Variants in VPS39 observed in about 807,000 individuals in gnomAD.
VPS39 encodes VPS39 subunit of HOPS complex, also known as vam6/Vps39-like protein.
VPS39 carries 70 observed loss-of-function variants against 121.0 expected under a neutral mutation model. That is an observed-to-expected ratio of 0.58 (90% CI 0.48 to 0.71). VPS39 has a LOEUF of 0.71. Ranked by LOEUF, VPS39 falls within the 30% of genes least tolerant of loss-of-function variation. The pLI, the probability that VPS39 is intolerant of heterozygous loss-of-function variation, is 0.00. For synonymous variants in VPS39, 378 were observed against 398.1 expected, an observed-to-expected ratio of 0.95 and a Z score of 0.60; for missense variants, 818 against 1,051.5, an observed-to-expected ratio of 0.78 and a Z score of 3.07.
Position 42,191,557 on chromosome 15 carries a change from C to T in VPS39, c.143G>A (p.Cys48Tyr), listed in dbSNP as rs771845487. The change falls in exon 3 of 25, where the codon TGC (cysteine) becomes TAC (tyrosine). Residue 48 changes from cysteine (C) to tyrosine (Y), a missense_variant. Coordinates refer to ENST00000318006, the MANE Select transcript of VPS39 (RefSeq NM_015289.5). ...CTCTAGTGTCACTTCAAATCTGTTG[C>T]AACCTATGGAAAACAAATAAACACT... The part of the protein sequence containing the change: ...LLYRIRKDVG[C>Y]NRFEVTLEKS... 1.2e-6 allele frequency: 2 copies of T among 1,613,708 alleles called. No homozygotes were observed. The highest frequency in any genetic ancestry group is 2.2e-5 in the South Asian group (2 of 91,006).
chr15:42,205,316 G>A (rs1191167250), intron 1 of VPS39, among the ~76,000 whole-genome samples: 1 of 152,178 alleles, frequency 6.6e-6, no homozygotes, highest in Admixed American at 6.5e-5. Context: ...TAAGAAAACA[G>A]CACATTGGTG....
At chr15:42,197,327 A>T (rs1002787145) in intron 2 of VPS39, among the ~76,000 whole-genome samples, 3 of 151,982 alleles carry the variant, frequency 2.0e-5, no homozygotes, top group African/African-American at 4.8e-5. Context: ...AAGTATAATT[A>T]AAAAGAGTGG....
At position 42,166,214 on chromosome 15, in the gene VPS39, A is replaced by C. The variant is rs780492728; in HGVS notation, c.1625T>G (p.Leu542Trp). 32 of 1,614,216 alleles carry C rather than the reference A, an allele frequency of 2.0e-5. No individual in the cohort carries two copies. Among genetic ancestry groups the C allele is most frequent in the Non-Finnish European group, 2.4e-5 (28 of 1,180,044 alleles). The change falls in exon 16 of 25, where the codon TTG (leucine) becomes TGG (tryptophan). Residue 542 changes from leucine (L) to tryptophan (W), a missense_variant. By Grantham distance (61) the Leu-to-Trp change is moderately conservative. Coordinates refer to ENST00000318006, the MANE Select transcript of VPS39 (RefSeq NM_015289.5). ...LQHLGTENLH[L>W]IFSYSVWVLR... ...CACCCACACTGAGTAGGAGAAAATC[A>C]AATGCAGGTTTTCTGTGCCTAGAAG... is the stretch of plus-strand genomic sequence containing the variant.
intron 7 of VPS39, among the ~76,000 whole-genome samples, chr15:42,186,247 C>A (rs550155933): frequency 6.7e-6 from 1 of 148,964 alleles, no homozygotes; most frequent in Non-Finnish European, 1.5e-5. Flanking sequence ...GCCTATGCAA[C>A]ATATTGTGAC....
intron 7 of VPS39, among the ~76,000 whole-genome samples, 193 bp from the exon 8 acceptor site, chr15:42,184,893 C>T (rs549197325): frequency 2.0e-5 from 3 of 152,352 alleles, no homozygotes; most frequent in Admixed American, 1.3e-4. Flanking sequence ...CAAAGGAAAG[C>T]ATCTAGCCTG....
chr15:42,182,430 C>A (rs1423083708), intron 8 of VPS39, among the ~76,000 whole-genome samples: 1 of 152,192 alleles, frequency 6.6e-6, no homozygotes, highest in Non-Finnish European at 1.5e-5. Flanking sequence ...TAGAGATGGT[C>A]TGGATCTCTT....
chr15:42,162,651 A>T, intron 21 of VPS39, 170 bp from the exon 22 acceptor site: 1 of 697,440 alleles, frequency 1.4e-6, no homozygotes. Flanking sequence ...CAGGCAACTG[A>T]AGATGTTAAT....
At chr15:42,187,677 G>A in intron 6 of VPS39, 81 bp downstream of exon 6, 1 of 1,241,960 alleles carries the variant, frequency 8.1e-7, no homozygotes, top group Non-Finnish European at 1.2e-6. Flanking sequence ...AGAATGACAA[G>A]ACTGGAGTCC....
At position 42,191,549 on chromosome 15, in the gene VPS39, A is replaced by G; in HGVS notation, c.151T>C (p.Phe51Leu). 2.5e-6 allele frequency: 4 copies of G among 1,614,040 alleles called. No homozygotes were observed. The highest frequency in any genetic ancestry group is 3.4e-6 in the Non-Finnish European group (4 of 1,179,966). ...RIRKDVGCNR[F>L]EVTLEKSNKN... The stretch of plus-strand genomic sequence containing the variant: ...TTGGATTTCTCTAGTGTCACTTCAA[A>G]TCTGTTGCAACCTATGGAAAACAAA... Residue 51 changes from phenylalanine to leucine, a missense_variant, in exon 3 of 25, where the codon TTT (phenylalanine) becomes CTT (leucine). Transcript: ENST00000318006.
intron 1 of VPS39, among the ~76,000 whole-genome samples, chr15:42,202,206 C>A (rs1330335044): frequency 6.6e-6 from 1 of 152,158 alleles, no homozygotes; most frequent in Non-Finnish European, 1.5e-5. Context: ...AGGTCAGCAC[C>A]TACATTCCTT....
intron 12 of VPS39, 125 bp downstream of exon 12, chr15:42,169,599 G>C (rs1420034780): frequency 2.7e-6 from 3 of 1,107,662 alleles, no homozygotes; most frequent in Non-Finnish European, 2.4e-6. Flanking sequence ...ACCCCAGGCA[G>C]ACTTCCTACA....
chr15:42,201,182 T>G (rs1308927994), intron 1 of VPS39, among the ~76,000 whole-genome samples: 2 of 152,136 alleles, frequency 1.3e-5, no homozygotes, highest in Non-Finnish European at 2.9e-5. Flanking sequence ...TTTTTTTAAC[T>G]TTTATTTTTT....
At position 42,166,923 on chromosome 15, in the gene VPS39, G is replaced by T; in HGVS notation, c.1378-10C>A. ...CCAGGGCCACATTTGTCTGCAGAAA[G>T]AGCAGGAGTTCAGTGGAAACTGCTT... is the stretch of plus-strand genomic sequence containing the variant. On this transcript the variant is annotated splice_polypyrimidine_tract_variant and intron_variant, in intron 13 of 24. Transcript: ENST00000318006. 1 of 1,614,084 alleles carries T rather than the reference G, an allele frequency of 6.2e-7. No homozygotes were observed.
chr15:42,173,124 T>G (rs2049379047), intron 11 of VPS39, among the ~76,000 whole-genome samples: 1 of 152,264 alleles, frequency 6.6e-6, no homozygotes, highest in Admixed American at 6.5e-5. Context: ...GAGCACTTGT[T>G]AAGTGCCACA....
chr15:42,191,352 A>G, intron 3 of VPS39, 144 bp downstream of exon 3: 1 of 1,053,232 alleles, frequency 9.5e-7, no homozygotes, highest in East Asian at 2.5e-5. Context: ...TCTCAGGCAC[A>G]TGATATATGA....
intron 7 of VPS39, 119 bp downstream of exon 7, chr15:42,187,152 T>C (rs1432734263): frequency 4.3e-6 from 3 of 702,716 alleles, no homozygotes; most frequent in Non-Finnish European, 6.9e-6. Context: ...CACATACAAA[T>C]AACAAATCCT....
At position 42,169,730 on chromosome 15, in the gene VPS39, C is replaced by T; in HGVS notation, c.1227G>A (p.Leu409=). 6.2e-7 allele frequency: 1 copy of T among 1,613,890 alleles called. No individual in the cohort carries two copies. The highest frequency in any genetic ancestry group is 1.7e-5 in the Admixed American group (1 of 60,014). ...CACTCTGTACTATACCTACCTGTGTCAGGTAGTCAATCAGAGCTAAGTGAG... is the reference window on the plus strand; with the variant it reads ...CACTCTGTACTATACCTACCTGTGTTAGGTAGTCAATCAGAGCTAAGTGAG... ...EKAHLALIDY[L]TQKRSQLVKK... Residue 409 remains leucine, a synonymous_variant, in exon 12 of 25, where the codon CTG becomes CTA. Transcript: ENST00000318006.
chr15:42,199,985 AAC>A (rs761082596), intron 1 of VPS39, 24 bp from the exon 2 acceptor site: 15 of 1,549,514 alleles, frequency 9.7e-6, no homozygotes, highest in South Asian at 5.0e-5. Context: ...ACAAAACAAA[AAC>A]AAAAACAAAA....
At chr15:42,202,695 T>C (rs1342924694) in intron 1 of VPS39, among the ~76,000 whole-genome samples, 1 of 152,222 alleles carries the variant, frequency 6.6e-6, no homozygotes, top group Non-Finnish European at 1.5e-5. Flanking sequence ...CTTTATCTTT[T>C]TTAATAGCCT....
Sources: gnomAD v4.1 joint callset for allele counts (sites outside exome capture counted in the v4.1 genomes callset) on GRCh38, gnomAD v4.1.1 for gene constraint, MANE v1.5 for transcripts, NCBI Gene and HGNC (gene_info 2026-07-23, HGNC 2026-07-21) for gene names.